Variants in RIT2 observed in about 807,000 individuals in gnomAD.
RIT2 encodes the protein Ras like without CAAX 2.
Under a neutral mutation model 23.7 loss-of-function variants are expected in RIT2, and 24 were observed. That is an observed-to-expected ratio of 1.01 (90% CI 0.73 to 1.43). The LOEUF (loss-of-function observed/expected upper bound fraction) is 1.43. RIT2 is among the 40% of genes most tolerant of loss of function. The probability of loss-of-function intolerance (pLI) is 0.00; values close to 1 mark genes in which losing one functional copy is unlikely to be tolerated. For synonymous variants in RIT2, 107 were observed against 91.1 expected (o/e 1.17, Z -0.99); for missense variants, 236 against 266.9 (o/e 0.88, Z 0.81).
At chr18:43,013,687 CTA>C (rs1911404857) in intron 2 of RIT2, among the ~76,000 whole-genome samples, 1 of 151,714 alleles carries the variant, frequency 6.6e-6, no homozygotes, top group Admixed American at 6.6e-5. Flanking sequence ...GTTTTTGGCA[CTA>C]TCAGAGTAAC....
At chr18:43,062,252 T>C (rs991380886) in intron 1 of RIT2, among the ~76,000 whole-genome samples, 2 of 152,186 alleles carry the variant, frequency 1.3e-5, no homozygotes, top group Admixed American at 6.5e-5. Flanking sequence ...TGAAGTATTA[T>C]GACAACCCTC....
intron 2 of RIT2, among the ~76,000 whole-genome samples, chr18:42,980,725 C>T (rs372182687): frequency 5.9e-5 from 9 of 152,202 alleles, no homozygotes; most frequent in African/African-American, 2.2e-4. Flanking sequence ...GGGGTGTGTC[C>T]TGTGGAGACA....
intron 4 of RIT2, among the ~76,000 whole-genome samples, chr18:42,766,737 G>C (rs1490157052): frequency 6.6e-6 from 1 of 152,192 alleles, no homozygotes; most frequent in Non-Finnish European, 1.5e-5. Context: ...CACTGGCCTG[G>C]AGGCCCAGGA....
intron 3 of RIT2, among the ~76,000 whole-genome samples, chr18:42,939,879 G>A (rs1255016781): frequency 6.6e-6 from 1 of 151,908 alleles, no homozygotes; most frequent in Non-Finnish European, 1.5e-5. Context: ...ATAATAGTGT[G>A]AAAATAATGA....
At chr18:42,952,548 C>T (rs1282349821) in intron 3 of RIT2, among the ~76,000 whole-genome samples, 4 of 151,364 alleles carry the variant, frequency 2.6e-5, no homozygotes, top group Admixed American at 6.6e-5. Context: ...TTTTATCTGC[C>T]CCAAAAAAAG....
intron 4 of RIT2, among the ~76,000 whole-genome samples, chr18:42,876,134 GA>G (rs969990137): frequency 1.3e-5 from 2 of 151,924 alleles, no homozygotes; most frequent in African/African-American, 4.8e-5. Context: ...TTTAGAGCTA[GA>G]AAGGTCTTTA....
At chr18:42,937,026 A>T (rs1040157086) in intron 3 of RIT2, among the ~76,000 whole-genome samples, 1 of 150,908 alleles carries the variant, frequency 6.6e-6, no homozygotes, top group Admixed American at 6.6e-5. Context: ...AAAAAAAAAA[A>T]GGAGAGAGAG....
At position 42,795,518 on chromosome 18, in the gene RIT2, C is replaced by T. The variant is rs559621224; in HGVS notation, c.427-51798G>A. ...CCCGCCATGCTTGAGCCTCCCACCC[C>T]CTCCATGGGCTCCTGTGCGCCTGAG... On this transcript the variant is annotated intron_variant, in intron 4 of 4. Transcript: ENST00000326695. Among the ~76,000 whole-genome samples, 422 of 152,344 alleles carry T rather than the reference C, an allele frequency of 2.8e-3. 3 individuals carry two copies. Among genetic ancestry groups the T allele is most frequent in the Admixed American group, 0.025 (385 of 15,310 alleles).
chr18:42,777,729 C>T (rs988845615), intron 4 of RIT2, among the ~76,000 whole-genome samples: 13 of 152,102 alleles, frequency 8.5e-5, no homozygotes, highest in Non-Finnish European at 5.9e-5. Context: ...TTGGAAGCTA[C>T]TGTTACCAAA....
chr18:42,746,252 T>C (rs1912913971), intron 4 of RIT2, among the ~76,000 whole-genome samples: 1 of 152,108 alleles, frequency 6.6e-6, no homozygotes, highest in African/African-American at 2.4e-5. Context: ...CATTGAAGCA[T>C]GGCAAGAGTG....
chr18:42,827,102 G>C (rs1369115558), intron 4 of RIT2, among the ~76,000 whole-genome samples: 1 of 152,138 alleles, frequency 6.6e-6, no homozygotes, highest in Non-Finnish European at 1.5e-5. Flanking sequence ...TAATGTGTTA[G>C]AGGTTTTGCG....
At chr18:43,071,192 T>C (rs548907647) in intron 1 of RIT2, among the ~76,000 whole-genome samples, 1 of 152,306 alleles carries the variant, frequency 6.6e-6, no homozygotes, top group South Asian at 2.1e-4. Flanking sequence ...TCTCTGAAAT[T>C]TGGAAGTAAA....
chr18:42,952,613 T>C (rs985475323), intron 3 of RIT2, among the ~76,000 whole-genome samples: 2 of 152,156 alleles, frequency 1.3e-5, no homozygotes, highest in African/African-American at 4.8e-5. Context: ...TAGATTGTGT[T>C]GATGGTTTCA....
intron 1 of RIT2, among the ~76,000 whole-genome samples, chr18:43,089,736 A>G (rs1339799343): frequency 1.3e-5 from 2 of 152,098 alleles, no homozygotes; most frequent in Non-Finnish European, 2.9e-5. Flanking sequence ...ATAAGGCTGC[A>G]TACTTACAAC....
chr18:43,018,417 A>C (rs970161610), intron 2 of RIT2, among the ~76,000 whole-genome samples: 3 of 152,020 alleles, frequency 2.0e-5, no homozygotes, highest in Admixed American at 2.0e-4. Flanking sequence ...GCTAGTAAGA[A>C]TTTAACTATA....
intron 1 of RIT2, among the ~76,000 whole-genome samples, chr18:43,062,592 CT>C (rs1187486848): frequency 1.3e-5 from 2 of 152,256 alleles, no homozygotes; most frequent in Admixed American, 1.3e-4. Flanking sequence ...ATAAGCTACC[CT>C]TTGTCTTCAG....
At chr18:43,050,651 A>C (rs1598762054) in intron 1 of RIT2, among the ~76,000 whole-genome samples, 2 of 152,226 alleles carry the variant, frequency 1.3e-5, no homozygotes, top group South Asian at 4.1e-4. Flanking sequence ...ATCTGCCCCA[A>C]AGCAGGACTC....
At chr18:42,835,087 T>A (rs1906559606) in intron 4 of RIT2, among the ~76,000 whole-genome samples, 2 of 152,176 alleles carry the variant, frequency 1.3e-5, no homozygotes, top group Admixed American at 1.3e-4. Context: ...TTACAATGTT[T>A]CACTTTTAAC....
chr18:42,933,111 A>G (rs1361617350), intron 3 of RIT2, among the ~76,000 whole-genome samples: 1 of 152,110 alleles, frequency 6.6e-6, no homozygotes, highest in Non-Finnish European at 1.5e-5. Flanking sequence ...ATTCAATTAA[A>G]TTGCTGCCAT....
Sources: allele counts gnomAD v4.1 joint callset (sites outside exome capture counted in the v4.1 genomes callset), GRCh38; gene constraint gnomAD v4.1.1; transcripts MANE v1.5; gene names NCBI Gene and HGNC (gene_info 2026-07-23, HGNC 2026-07-21).